VWA3B: variants seen among roughly 807,000 people sequenced by gnomAD.
The protein encoded by VWA3B is von Willebrand factor A domain-containing protein 3B.
Under a neutral mutation model 158.3 loss-of-function variants are expected in VWA3B, and 138 were observed. The observed-to-expected ratio is 0.87, with a 90% CI of 0.76 to 1.00. The LOEUF (loss-of-function observed/expected upper bound fraction) is 1.00, where lower values mean the gene tolerates loss of function less well. Among genes scored for constraint, VWA3B ranks in the 50% least tolerant of loss-of-function variants. VWA3B has a pLI of 0.00. For synonymous variants in VWA3B, 596 were observed against 587.3 expected, an observed-to-expected ratio of 1.01 and a Z score of -0.21; for missense variants, 1,555 against 1,565.1, an observed-to-expected ratio of 0.99 and a Z score of 0.11.
intron 23 of VWA3B, among the ~76,000 whole-genome samples, chr2:98,292,678 A>G (rs1304538142): frequency 1.3e-5 from 2 of 152,102 alleles, no homozygotes; most frequent in Admixed American, 1.3e-4. Flanking sequence ...AAATACTAAA[A>G]GTGGGGCCAG....
chr2:98,257,968 CTAATA>C (rs1687258465), intron 21 of VWA3B, among the ~76,000 whole-genome samples: 1 of 151,684 alleles, frequency 6.6e-6, no homozygotes, highest in African/African-American at 2.4e-5. Context: ...TTGTTTTCTT[CTAATA>C]TGTTTACAGT....
intron 7 of VWA3B, among the ~76,000 whole-genome samples, chr2:98,151,516 A>G (rs979474173): frequency 6.6e-6 from 1 of 152,130 alleles, no homozygotes; most frequent in African/African-American, 2.4e-5. Context: ...AGCCAGTCAC[A>G]TGTTCATGTC....
intron 9 of VWA3B, among the ~76,000 whole-genome samples, chr2:98,185,259 C>T (rs1350870108): frequency 6.6e-6 from 1 of 152,178 alleles, no homozygotes; most frequent in Non-Finnish European, 1.5e-5. Flanking sequence ...ATAAAAGTTA[C>T]TGTTTCTACC....
At chr2:98,154,410 C>T (rs1677887558) in intron 7 of VWA3B, among the ~76,000 whole-genome samples, 1 of 152,186 alleles carries the variant, frequency 6.6e-6, no homozygotes, top group Admixed American at 6.5e-5. Flanking sequence ...AACTGTCCAC[C>T]TGCACCTTGC....
Position 98,228,191 on chromosome 2 carries a change from C to A in VWA3B, c.2020-11C>A. ...CTAGTCTTATAGCATATTCACTTCTCATTTTGGCAGAATGAAGATCTGACT... is the reference window on the plus strand; with the variant it reads ...CTAGTCTTATAGCATATTCACTTCTAATTTTGGCAGAATGAAGATCTGACT... On this transcript the variant is annotated splice_polypyrimidine_tract_variant and intron_variant, in intron 14 of 27. Coordinates refer to ENST00000477737, the MANE Select transcript of VWA3B (RefSeq NM_144992.5). 1 of 1,607,136 alleles carries A rather than the reference C, an allele frequency of 6.2e-7. No homozygotes were observed. The highest frequency in any genetic ancestry group is 1.1e-5 in the South Asian group (1 of 89,556).
chr2:98,330,026 C>G, the VWA3B span, among the ~76,000 whole-genome samples: 1 of 152,184 alleles, frequency 6.6e-6, no homozygotes, highest in Non-Finnish European at 1.5e-5. Context: ...GTACTGTGAT[C>G]TCCGGACCTA....
chr2:98,091,732 T>C (rs1213730299), intron 1 of VWA3B, among the ~76,000 whole-genome samples: 1 of 152,260 alleles, frequency 6.6e-6, no homozygotes, highest in Non-Finnish European at 1.5e-5. Context: ...TTCCATGTCA[T>C]GACAGTGAAA....
intron 7 of VWA3B, among the ~76,000 whole-genome samples, chr2:98,153,598 A>C (rs572746878): frequency 6.6e-6 from 1 of 152,336 alleles, no homozygotes; most frequent in African/African-American, 2.4e-5. Context: ...TTGGCCCATC[A>C]CTTAGGCTTG....
At position 98,126,686 on chromosome 2, in the gene VWA3B, G is replaced by A. The variant is rs151287291; in HGVS notation, c.703-1553G>A. 2.3e-3 allele frequency among the ~76,000 whole-genome samples: 357 copies of A among 152,280 alleles called. 3 individuals carry two copies. The highest frequency in any genetic ancestry group is 8.4e-3 in the African/African-American group (348 of 41,548). ...TTTCTCGCTTCCAGTTTACTGACTT[G>A]TATAAATTTACAATATTCCTCAGTC... On this transcript the variant is annotated intron_variant, in intron 5 of 27. Coordinates refer to ENST00000477737, the MANE Select transcript of VWA3B (RefSeq NM_144992.5).
chr2:98,318,044 T>C (rs188354282), downstream of VWA3B, among the ~76,000 whole-genome samples: 463 of 152,320 alleles, frequency 3.0e-3, 1 homozygote, highest in African/African-American at 0.01. Flanking sequence ...CCAGTCAGAA[T>C]GGCTATTATT....
chr2:98,106,138 A>C (rs1037692718), intron 2 of VWA3B, among the ~76,000 whole-genome samples: 1 of 151,972 alleles, frequency 6.6e-6, no homozygotes, highest in African/African-American at 2.4e-5. Flanking sequence ...TATGGTCTCG[A>C]TCTCCTGACC....
intron 21 of VWA3B, among the ~76,000 whole-genome samples, chr2:98,258,044 AG>A (rs1180709828): frequency 6.6e-6 from 1 of 151,928 alleles, no homozygotes; most frequent in African/African-American, 2.4e-5. Context: ...TCTGGTGTGA[AG>A]TAGGGTTCCA....
intron 5 of VWA3B, among the ~76,000 whole-genome samples, chr2:98,126,709 G>T (rs1024724473): frequency 4.6e-5 from 7 of 152,172 alleles, no homozygotes; most frequent in South Asian, 2.1e-4. Context: ...ATATTCCTCA[G>T]TCTTTTACTG....
intron 2 of VWA3B, among the ~76,000 whole-genome samples, chr2:98,108,022 GT>G (rs1673812293): frequency 6.6e-6 from 1 of 151,834 alleles, no homozygotes; most frequent in Admixed American, 6.6e-5. Context: ...CCTCCAGTCA[GT>G]GCTTTAGCAA....
At chr2:98,140,992 G>A (rs1420648435) in intron 7 of VWA3B, among the ~76,000 whole-genome samples, 1 of 152,192 alleles carries the variant, frequency 6.6e-6, no homozygotes, top group African/African-American at 2.4e-5. Flanking sequence ...AGGTGAGCCT[G>A]ATGGGCAGGT....
intron 21 of VWA3B, among the ~76,000 whole-genome samples, chr2:98,270,163 C>G (rs188003616): frequency 2.4e-4 from 37 of 152,188 alleles, no homozygotes; most frequent in South Asian, 2.1e-4. Context: ...AACAGCAAAG[C>G]CAAATAGTTT....
intron 12 of VWA3B, among the ~76,000 whole-genome samples, chr2:98,195,098 G>A (rs1025852574): frequency 3.3e-5 from 5 of 152,096 alleles, no homozygotes; most frequent in African/African-American, 7.2e-5. Flanking sequence ...ATAGCATTGC[G>A]AACTTCCAAA....
intron 6 of VWA3B, among the ~76,000 whole-genome samples, chr2:98,131,773 G>A (rs1675889782): frequency 6.6e-6 from 1 of 152,140 alleles, no homozygotes; most frequent in Non-Finnish European, 1.5e-5. Context: ...CCGGGAATAT[G>A]AATTTTTCCC....
intron 25 of VWA3B, among the ~76,000 whole-genome samples, chr2:98,301,646 G>GT (rs764970997): frequency 4.6e-4 from 70 of 152,268 alleles, no homozygotes; most frequent in Non-Finnish European, 8.7e-4. Flanking sequence ...TCGGTTAACT[G>GT]TATCACCTCT....
Sources: gnomAD v4.1 joint callset for allele counts (sites outside exome capture counted in the v4.1 genomes callset) on GRCh38, gnomAD v4.1.1 for gene constraint, MANE v1.5 for transcripts, NCBI Gene and HGNC (gene_info 2026-07-23, HGNC 2026-07-21) for gene names.